Variants in AGTR1 observed in about 807,000 individuals in gnomAD.
The protein encoded by AGTR1 is angiotensin II receptor type 1.
Under a neutral mutation model 19.4 loss-of-function variants are expected in AGTR1, and 16 were observed. That is an observed-to-expected ratio of 0.82 (90% CI 0.56 to 1.25). AGTR1 has a LOEUF of 1.25. Ranked by LOEUF, AGTR1 falls within the 50% of genes most tolerant of loss-of-function variation. The pLI is 0.00. For synonymous variants in AGTR1, 153 were observed against 154.9 expected, an observed-to-expected ratio of 0.99 and a Z score of 0.09; for missense variants, 373 against 431.9, an observed-to-expected ratio of 0.86 and a Z score of 1.21.
At chr3:148,724,725 AG>A (rs1213903182) in intron 2 of AGTR1, among the ~76,000 whole-genome samples, 2 of 152,202 alleles carry the variant, frequency 1.3e-5, no homozygotes, top group African/African-American at 4.8e-5. Context: ...AGAACATACT[AG>A]TTTCTGATAA....
chr3:148,730,871 C>A (rs1472986235), intron 2 of AGTR1, among the ~76,000 whole-genome samples: 5 of 152,084 alleles, frequency 3.3e-5, no homozygotes, highest in Non-Finnish European at 7.4e-5. Context: ...AACTAGGGGA[C>A]GTCTGTGAGT....
intron 2 of AGTR1, among the ~76,000 whole-genome samples, chr3:148,715,569 G>GCTTC (rs1713263034): frequency 6.6e-6 from 1 of 152,140 alleles, no homozygotes; most frequent in Admixed American, 6.5e-5. Context: ...AAAAAATGCA[G>GCTTC]CTTCCTTTAT....
intron 2 of AGTR1, among the ~76,000 whole-genome samples, chr3:148,714,714 C>G (rs1422956998): frequency 6.6e-6 from 1 of 152,134 alleles, no homozygotes; most frequent in East Asian, 1.9e-4. Context: ...TCATCGATGA[C>G]TGGTTCTGTG....
intron 1 of AGTR1, among the ~76,000 whole-genome samples, chr3:148,701,654 G>A (rs571855654): frequency 2.6e-4 from 40 of 152,096 alleles, no homozygotes; most frequent in Non-Finnish European, 4.6e-4. Context: ...TTTTTATTGT[G>A]TTGTTAATCT....
At chr3:148,712,874 CAAAG>C (rs758218232) in intron 2 of AGTR1, among the ~76,000 whole-genome samples, 1 of 152,058 alleles carries the variant, frequency 6.6e-6, no homozygotes, top group Non-Finnish European at 1.5e-5. Flanking sequence ...CATGACTAAA[CAAAG>C]AAGGAGCGCT....
At chr3:148,707,824 G>A (rs1712756886) in intron 1 of AGTR1, 120 bp from the exon 2 acceptor site, 1 of 152,164 alleles carries the variant, frequency 6.6e-6, no homozygotes, top group African/African-American at 2.4e-5. Flanking sequence ...ATGTGAACCA[G>A]ATGGTTTCAC....
At chr3:148,712,765 T>C (rs1713063469) in intron 2 of AGTR1, among the ~76,000 whole-genome samples, 1 of 152,152 alleles carries the variant, frequency 6.6e-6, no homozygotes, top group African/African-American at 2.4e-5. Context: ...TATACAAAAT[T>C]ATTGTATAGC....
At chr3:148,699,810 T>TA (rs1712215929) in intron 1 of AGTR1, among the ~76,000 whole-genome samples, 1 of 152,118 alleles carries the variant, frequency 6.6e-6, no homozygotes, top group South Asian at 2.1e-4. Flanking sequence ...CCCCGCCACC[T>TA]TTTTTCCCCC....
intron 2 of AGTR1, among the ~76,000 whole-genome samples, chr3:148,733,355 C>T (rs143620937): frequency 1.1e-3 from 161 of 152,274 alleles, no homozygotes; most frequent in African/African-American, 3.7e-3. Context: ...ATAACCCCAA[C>T]ATAATACTCA....
intron 2 of AGTR1, among the ~76,000 whole-genome samples, chr3:148,709,691 CAA>C (rs986683730): frequency 2.6e-5 from 4 of 152,082 alleles, no homozygotes; most frequent in Non-Finnish European, 5.9e-5. Context: ...TACTGAAATA[CAA>C]AAAGTGTTCA....
chr3:148,700,791 CA>C (rs1341900277), intron 1 of AGTR1, among the ~76,000 whole-genome samples: 1 of 152,230 alleles, frequency 6.6e-6, no homozygotes, highest in East Asian at 1.9e-4. Context: ...AGCAAACTGA[CA>C]AATCAGCTTT....
Position 148,741,501 on chromosome 3 carries a change from G to T in AGTR1, c.466G>T (p.Ala156Ser), listed in dbSNP as rs780264737. 1 of 1,613,860 alleles carries T rather than the reference G, an allele frequency of 6.2e-7. No homozygotes were observed. Among genetic ancestry groups the T allele is most frequent in the East Asian group, 2.2e-5 (1 of 44,884 alleles). The change falls in exon 3 of 3, where the codon GCA (alanine) becomes TCA (serine). Residue 156 changes from alanine to serine, a missense_variant. Transcript: ENST00000349243. The part of the protein sequence containing the change: ...KVTCIIIWLL[A>S]GLASLPAIIH... ...CACCTGCATCATCATTTGGCTGCTG[G>T]CAGGCTTGGCCAGTTTGCCAGCTAT... is the stretch of plus-strand genomic sequence containing the variant.
In AGTR1 at chr3:148,741,144, A is replaced by AT. The variant is rs387906577; in HGVS notation, c.110dup (p.Ile38HisfsTer37). ...TGTCATGATTCCTACTTTATACAGT[A>AT]TCATCTTTGTGGTGGGAATATTTGG... On this transcript the variant is annotated frameshift_variant, in exon 3 of 3. Transcript: ENST00000349243. LOFTEE classifies it high-confidence loss of function. 3 of 1,614,052 alleles carry AT rather than the reference A, an allele frequency of 1.9e-6. No homozygotes were observed. Among genetic ancestry groups the AT allele is most frequent in the Non-Finnish European group, 2.5e-6 (3 of 1,180,040 alleles).
At chr3:148,700,150 G>C (rs1314603197) in intron 1 of AGTR1, among the ~76,000 whole-genome samples, 1 of 152,044 alleles carries the variant, frequency 6.6e-6, no homozygotes, top group East Asian at 1.9e-4. Flanking sequence ...TTTGGGATCA[G>C]AGTTGTGTGA....
intron 1 of AGTR1, among the ~76,000 whole-genome samples, chr3:148,705,338 A>G (rs907485390): frequency 6.6e-6 from 1 of 152,170 alleles, no homozygotes; most frequent in East Asian, 1.9e-4. Flanking sequence ...TCATCAACAC[A>G]TATACTTTAC....
chr3:148,737,079 A>C (rs879527198), intron 2 of AGTR1, among the ~76,000 whole-genome samples: 1 of 152,212 alleles, frequency 6.6e-6, no homozygotes, highest in Non-Finnish European at 1.5e-5. Context: ...AGTAACTGCC[A>C]ATCACAAAAG....
chr3:148,715,989 C>A (rs966745653), intron 2 of AGTR1, among the ~76,000 whole-genome samples: 4 of 152,074 alleles, frequency 2.6e-5, no homozygotes, highest in African/African-American at 9.7e-5. Flanking sequence ...TTTGTTAACC[C>A]AGATCACAGC....
Position 148,707,963 on chromosome 3 carries a change from G to C in AGTR1, c.-112G>C, listed in dbSNP as rs905538427. The C allele has an allele frequency of 2.0e-5, 3 of 152,140 alleles. No individual in the cohort carries two copies. The highest frequency in any genetic ancestry group is 4.8e-5 in the African/African-American group (2 of 41,438). 9.4% of individuals were successfully genotyped at this position (152,140 alleles called of 1,614,324 possible). On this transcript the variant is annotated 5_prime_UTR_variant, in exon 2 of 3. Coordinates refer to ENST00000349243, the MANE Select transcript of AGTR1 (RefSeq NM_000685.5). ...TTTTAGGTTTGATATTTGACAAATT[G>C]ATCTAAAATGGCTGGGTTTTTATCT...
chr3:148,721,172 C>T (rs1285111022), intron 2 of AGTR1, among the ~76,000 whole-genome samples: 1 of 152,184 alleles, frequency 6.6e-6, no homozygotes, highest in African/African-American at 2.4e-5. Context: ...AAAAGTGGCT[C>T]AGGTTATCTT....
Sources: gnomAD v4.1 joint callset for allele counts (sites outside exome capture counted in the v4.1 genomes callset) on GRCh38, gnomAD v4.1.1 for gene constraint, MANE v1.5 for transcripts, NCBI Gene and HGNC (gene_info 2026-07-23, HGNC 2026-07-21) for gene names.